Variants in IQSEC1 observed in about 807,000 individuals in gnomAD.
The protein encoded by IQSEC1 is IQ motif and Sec7 domain ArfGEF 1.
A neutral mutation model predicts 91.0 loss-of-function variants in IQSEC1; 31 were observed. The ratio of observed to expected loss-of-function variants is 0.34; its 90% CI spans 0.26 to 0.46. IQSEC1 has a LOEUF of 0.46. Ranked by LOEUF, IQSEC1 falls within the 20% of genes least tolerant of loss-of-function variation. The pLI, the probability that IQSEC1 is intolerant of heterozygous loss-of-function variation, is 1.00. For synonymous variants in IQSEC1, 699 were observed against 662.6 expected, an observed-to-expected ratio of 1.05 and a Z score of -0.84; for missense variants, 1,388 against 1,575.6, an observed-to-expected ratio of 0.88 and a Z score of 2.02.
chr3:13,002,970 T>G (rs1258082124), intron 1 of IQSEC1, among the ~76,000 whole-genome samples: 2 of 152,122 alleles, frequency 1.3e-5, no homozygotes, highest in Admixed American at 1.3e-4. Context: ...CAATTCCACT[T>G]CTAGGTATCT....
At chr3:13,025,500 A>G (rs1703577924) in intron 1 of IQSEC1, among the ~76,000 whole-genome samples, 1 of 152,202 alleles carries the variant, frequency 6.6e-6, no homozygotes, top group Non-Finnish European at 1.5e-5. Flanking sequence ...GCTTGGGGAA[A>G]TGAGGACTGG....
Position 12,900,152 on chromosome 3 carries a change from C to CTGTT in IQSEC1, c.*827_*830dup. 1 of 967,642 alleles carries CTGTT rather than the reference C, an allele frequency of 1.0e-6. No individual in the cohort carries two copies. The highest frequency in any genetic ancestry group is 1.2e-6 in the Non-Finnish European group (1 of 814,072). The allele number at this position is 967,642 out of a possible 1,614,324, so 59.9% of individuals were successfully genotyped here. A position where few individuals can be genotyped will look rare whatever the true frequency, so the allele number is the denominator to read the frequency against. ...TTATAATACTATTTATGATAGTATT[C>CTGTT]TGTTAATAAAATAAGGATTTATACA... On this transcript the variant is annotated 3_prime_UTR_variant, in exon 14 of 14. Coordinates refer to ENST00000613206, the MANE Select transcript of IQSEC1 (RefSeq NM_001134382.3).
intron 10 of IQSEC1, 55 bp downstream of exon 10, chr3:12,911,574 A>G (rs1395157712): frequency 7.5e-7 from 1 of 1,340,060 alleles, no homozygotes; most frequent in East Asian, 2.3e-5. Flanking sequence ...AGCCAGGAGA[A>G]AGAGCGTAAG....
chr3:13,227,393 A>AAAAAAAAAAAAAAAAAAAAAAG (rs1055638536), intron 1 of IQSEC1, among the ~76,000 whole-genome samples: 1 of 140,814 alleles, frequency 7.1e-6, no homozygotes, highest in South Asian at 2.1e-4. Flanking sequence ...AAAAAAAAAA[A>AAAAAAAAAAAAAAAAAAAAAAG]AAAGAAAGAA....
At chr3:13,220,366 C>T (rs1202058162) in intron 1 of IQSEC1, among the ~76,000 whole-genome samples, 1 of 152,196 alleles carries the variant, frequency 6.6e-6, no homozygotes, top group Non-Finnish European at 1.5e-5. Context: ...AGAATGGGGG[C>T]AAAGAAGGGG....
rs184111946 is a variant in IQSEC1 at position 13,126,940 on chromosome 3, A to G, written c.302+37164T>C. 5.3e-5 allele frequency among the ~76,000 whole-genome samples: 8 copies of G among 152,260 alleles called. No homozygotes were observed. In the East Asian group the frequency reaches 1.5e-3, roughly 29 times the overall value. On this transcript the variant is annotated intron_variant, in intron 2 of 15. Coordinates refer to the IQSEC1 transcript ENST00000648114. ...TTTCTATTTTTTTCCTAAAAGTTTT[A>G]TAGTTTTAAGTCCATGATCCATTTT...
At chr3:12,913,354 GCAGACAGC>G (rs560594095) in intron 9 of IQSEC1, 66 bp downstream of exon 9, 1 of 1,466,892 alleles carries the variant, frequency 6.8e-7, no homozygotes, top group Non-Finnish European at 9.2e-7. Context: ...TCTTCCCCAC[GCAGACAGC>G]CAGACATGGA....
At chr3:13,120,632 G>A (rs1175930018) in intron 2 of IQSEC1, among the ~76,000 whole-genome samples, 1 of 152,238 alleles carries the variant, frequency 6.6e-6, no homozygotes, top group Non-Finnish European at 1.5e-5. Context: ...AATCTGAGAT[G>A]GGACTGAATA....
At chr3:12,915,191 C>T in intron 7 of IQSEC1, 58 bp from the exon 8 acceptor site, 1 of 1,558,420 alleles carries the variant, frequency 6.4e-7, no homozygotes, top group Non-Finnish European at 8.8e-7. Context: ...CACGCCCAGG[C>T]CAATGCTGCA....
At chr3:13,208,993 G>A (rs1694395839) in intron 1 of IQSEC1, among the ~76,000 whole-genome samples, 1 of 152,226 alleles carries the variant, frequency 6.6e-6, no homozygotes, top group African/African-American at 2.4e-5. Context: ...GAAGCAGTGT[G>A]TGAACCAGCA....
intron 1 of IQSEC1, among the ~76,000 whole-genome samples, chr3:13,224,700 GACT>G (rs1380344183): frequency 1.3e-5 from 2 of 151,726 alleles, no homozygotes; most frequent in Non-Finnish European, 2.9e-5. Context: ...GGGTAGCTTC[GACT>G]GTTCCTCTTC....
intron 1 of IQSEC1, among the ~76,000 whole-genome samples, chr3:13,195,776 G>A (rs1304628896): frequency 7.2e-5 from 11 of 152,108 alleles, no homozygotes; most frequent in Non-Finnish European, 2.9e-5. Context: ...CGGTGGTGGT[G>A]GGCACGACAA....
At chr3:12,998,986 G>C (rs1702323546) in intron 1 of IQSEC1, among the ~76,000 whole-genome samples, 2 of 151,688 alleles carry the variant, frequency 1.3e-5, no homozygotes, top group African/African-American at 4.8e-5. Flanking sequence ...GTGGAAAGGA[G>C]ACTGGCTTTT....
intron 1 of IQSEC1, among the ~76,000 whole-genome samples, chr3:12,975,459 C>A (rs1472609315): frequency 3.9e-5 from 6 of 152,228 alleles, no homozygotes; most frequent in African/African-American, 1.4e-4. Flanking sequence ...AGTGTCCACA[C>A]TTAATCCTCA....
At position 13,135,688 on chromosome 3, in the gene IQSEC1, C is replaced by T. The variant is rs996586207; in HGVS notation, c.302+28416G>A. ...AAGGGGGTCTCTTCGACACAGACGC[C>T]TCACTGTGCACAGGACACTGGAGGG... is the stretch of plus-strand genomic sequence containing the variant. On this transcript the variant is annotated intron_variant, in intron 2 of 15. Transcript: ENST00000648114. 3.9e-5 allele frequency among the ~76,000 whole-genome samples: 6 copies of T among 152,198 alleles called. No homozygotes were observed. The East Asian group carries it at 9.6e-4, about 24-fold the overall frequency.
chr3:13,009,060 G>A (rs991794639), intron 1 of IQSEC1, among the ~76,000 whole-genome samples: 1 of 152,266 alleles, frequency 6.6e-6, no homozygotes, highest in South Asian at 2.1e-4. Flanking sequence ...TTCCAAGGCT[G>A]TGATTCCGAG....
At chr3:13,274,303 C>T (rs1449061205) in intron 1 of IQSEC1, among the ~76,000 whole-genome samples, 3 of 152,256 alleles carry the variant, frequency 2.0e-5, no homozygotes, top group Non-Finnish European at 4.4e-5. Context: ...TCCCACCCCG[C>T]ACCTTGTCCT....
At chr3:13,040,028 C>T (rs1410566110) in intron 1 of IQSEC1, among the ~76,000 whole-genome samples, 3 of 152,242 alleles carry the variant, frequency 2.0e-5, no homozygotes, top group Non-Finnish European at 4.4e-5. Flanking sequence ...AGTTGGTGCT[C>T]AGAATGAAGC....
intron 1 of IQSEC1, among the ~76,000 whole-genome samples, chr3:12,984,563 GCTGCTCCT>G: frequency 6.6e-6 from 1 of 152,148 alleles, no homozygotes; most frequent in African/African-American, 2.4e-5. Flanking sequence ...AACAGTGAAT[GCTGCTCCT>G]CCTTTCAGGG....
Sources: allele counts gnomAD v4.1 joint callset (sites outside exome capture counted in the v4.1 genomes callset), GRCh38; gene constraint gnomAD v4.1.1; transcripts MANE v1.5; gene names NCBI Gene and HGNC (gene_info 2026-07-23, HGNC 2026-07-21).